ODF2L: variants seen among roughly 807,000 people sequenced by gnomAD.
ODF2L encodes the protein protein BCAP.
ODF2L carries 76 observed loss-of-function variants against 86.3 expected under a neutral mutation model. That is an observed-to-expected ratio of 0.88 (90% CI 0.73 to 1.07). The LOEUF (loss-of-function observed/expected upper bound fraction) is 1.07. Ranked by LOEUF, ODF2L falls within the 50% of genes least tolerant of loss-of-function variation. The pLI is 0.00. For missense variants in ODF2L, 748 were observed against 717.4 expected (o/e 1.04, Z -0.49); for synonymous variants, 241 against 231.3 (o/e 1.04, Z -0.38).
exon 18 of ODF2L, chr1:86,351,017 CA>C (rs1557997387): frequency 6.6e-6 from 1 of 152,034 alleles, no homozygotes; most frequent in Non-Finnish European, 1.5e-5. Context: ...GGATAGATTG[CA>C]AAAATTTTCT....
chr1:86,375,544 A>G (rs1300665511), intron 8 of ODF2L, among the ~76,000 whole-genome samples: 1 of 152,146 alleles, frequency 6.6e-6, no homozygotes, highest in Non-Finnish European at 1.5e-5. Flanking sequence ...ACTTTTTTAA[A>G]AAAATTATTA....
chr1:86,357,312 T>C (rs1374754532), intron 13 of ODF2L, among the ~76,000 whole-genome samples: 2 of 151,962 alleles, frequency 1.3e-5, no homozygotes, highest in African/African-American at 4.8e-5. Context: ...AGTTTCTGTG[T>C]AGTATCTGGC....
intron 11 of ODF2L, among the ~76,000 whole-genome samples, chr1:86,366,253 A>T (rs7541004): frequency 6.6e-6 from 1 of 151,872 alleles, no homozygotes; most frequent in Admixed American, 6.6e-5. Flanking sequence ...TTATATTAAA[A>T]AAAGGAAGAA....
chr1:86,355,642 AGT>A (rs1162522308), intron 14 of ODF2L, among the ~76,000 whole-genome samples: 2 of 152,164 alleles, frequency 1.3e-5, no homozygotes, highest in Non-Finnish European at 2.9e-5. Flanking sequence ...TATTAAGCCT[AGT>A]ACCTGTTAGT....
intron 11 of ODF2L, among the ~76,000 whole-genome samples, chr1:86,367,875 T>C (rs1215602423): frequency 1.3e-5 from 2 of 152,226 alleles, no homozygotes; most frequent in African/African-American, 4.8e-5. Flanking sequence ...TGAAGATATA[T>C]AATCTGTCCT....
exon 8 of ODF2L, chr1:86,376,279 T>C (rs904546570): frequency 5.0e-6 from 8 of 1,612,562 alleles, no homozygotes; most frequent in Non-Finnish European, 6.8e-6. Flanking sequence ...TCCTGTAAAA[T>C]GGTCAAGCCT....
At chr1:86,348,723 CTACT>C (rs768581172), downstream of ODF2L, 28 of 1,411,540 alleles carry the variant, frequency 2.0e-5, no homozygotes, top group African/African-American at 3.0e-5. Flanking sequence ...TAAAAATCTA[CTACT>C]TAGAGAAAAT....
chr1:86,392,175 AAAT>A (rs1290005722), intron 1 of ODF2L, among the ~76,000 whole-genome samples: 4 of 152,336 alleles, frequency 2.6e-5, no homozygotes, highest in Non-Finnish European at 5.9e-5. Context: ...CATAATCAAA[AAAT>A]AATAATAGAT....
Position 86,383,334 on chromosome 1 carries a change from AT to A in ODF2L, c.373-139del, listed in dbSNP as rs1041315430. ...TTTAAAAGAGTTAACAACTGAAAAG[AT>A]TTTTGCCCTAGTATTCCAAATTATT... is the stretch of plus-strand genomic sequence containing the variant. On this transcript the variant is annotated intron_variant, in intron 4 of 17. Coordinates refer to ENST00000317336, the Ensembl canonical transcript of ODF2L. The A allele has an allele frequency of 1.4e-5, 7 of 492,132 alleles. No homozygotes were observed. The East Asian group carries it at 2.1e-4, about 15-fold the overall frequency. The allele number at this position is 492,132 out of a possible 1,614,324, so 30.5% of individuals were successfully genotyped here. A position where few individuals can be genotyped will look rare whatever the true frequency, so the allele number is the denominator to read the frequency against.
At chr1:86,365,921 G>A (rs778255215) in intron 11 of ODF2L, among the ~76,000 whole-genome samples, 26 of 152,122 alleles carry the variant, frequency 1.7e-4, no homozygotes, top group Admixed American at 5.9e-4. Flanking sequence ...CCTGGAACTA[G>A]GAGTTTACTT....
chr1:86,377,044 G>A (rs1025523630), intron 7 of ODF2L, among the ~76,000 whole-genome samples: 3 of 152,090 alleles, frequency 2.0e-5, no homozygotes, highest in African/African-American at 7.2e-5. Context: ...CTGCCTAGGA[G>A]CCAGTAAAAT....
At chr1:86,391,481 T>TA (rs1275253133) in intron 1 of ODF2L, among the ~76,000 whole-genome samples, 1 of 152,166 alleles carries the variant, frequency 6.6e-6, no homozygotes, top group East Asian at 1.9e-4. Context: ...AATAGGCACA[T>TA]AGACCAATGG....
At chr1:86,365,827 G>C (rs1659368690) in intron 11 of ODF2L, among the ~76,000 whole-genome samples, 1 of 152,162 alleles carries the variant, frequency 6.6e-6, no homozygotes, top group Non-Finnish European at 1.5e-5. Flanking sequence ...ACCTGGGTTT[G>C]AAAAGGATTA....
intron 11 of ODF2L, among the ~76,000 whole-genome samples, chr1:86,364,542 GAAGACTAC>G (rs1213077560): frequency 6.6e-6 from 1 of 152,188 alleles, no homozygotes; most frequent in Non-Finnish European, 1.5e-5. Context: ...AGAATAACTA[GAAGACTAC>G]ATTCCCTAGT....
At position 86,384,664 on chromosome 1, in the gene ODF2L, T is replaced by C. The variant is rs574180889; in HGVS notation, c.372+12A>G. The stretch of plus-strand genomic sequence containing the variant: ...TCACTATTAAAATGAGTGCTTAGTG[T>C]TGATGCCTTACTTGTTTGTAGTCTC... On this transcript the variant is annotated intron_variant, in intron 4 of 17. Transcript: ENST00000317336. 2.8e-6 allele frequency: 4 copies of C among 1,428,870 alleles called. No individual in the cohort carries two copies. The highest frequency in any genetic ancestry group is 3.7e-6 in the Non-Finnish European group (4 of 1,083,834). The allele number at this position is 1,428,870 out of a possible 1,614,324, so 88.5% of individuals were successfully genotyped here. A position where few individuals can be genotyped will look rare whatever the true frequency, so the allele number is the denominator to read the frequency against.
At chr1:86,376,644 AG>A (rs904492522) in intron 7 of ODF2L, among the ~76,000 whole-genome samples, 13 of 152,138 alleles carry the variant, frequency 8.5e-5, no homozygotes, top group African/African-American at 2.4e-4. Context: ...TGTAGAAGGC[AG>A]AGGAAGAAAG....
exon 5 of ODF2L, chr1:86,383,175 T>C (rs1358442139): frequency 6.3e-7 from 1 of 1,576,128 alleles, no homozygotes; most frequent in African/African-American, 1.4e-5. Context: ...TCTAGCAACA[T>C]GCTGGATAAA....
intron 11 of ODF2L, among the ~76,000 whole-genome samples, chr1:86,367,221 T>A (rs905115004): frequency 6.6e-6 from 1 of 151,948 alleles, no homozygotes; most frequent in Non-Finnish European, 1.5e-5. Flanking sequence ...TAGGTTGCTA[T>A]ACCCAGCTGA....
intron 8 of ODF2L, among the ~76,000 whole-genome samples, chr1:86,375,542 A>T (rs11161807): frequency 0.32 from 48,018 of 151,764 alleles, 7,709 homozygotes; most frequent in East Asian, 0.41. Flanking sequence ...AGACTTTTTT[A>T]AAAAAATTAT....
Sources: allele counts gnomAD v4.1 joint callset (sites outside exome capture counted in the v4.1 genomes callset), GRCh38; gene constraint gnomAD v4.1.1; transcripts MANE v1.5; gene names NCBI Gene and HGNC (gene_info 2026-07-23, HGNC 2026-07-21).